CAMSAP2: variants seen among roughly 807,000 people sequenced by gnomAD.
The protein encoded by CAMSAP2 is calmodulin regulated spectrin associated protein family member 2.
In CAMSAP2, 26 loss-of-function variants were observed where a neutral mutation model predicts 146.1. The observed-to-expected ratio is 0.18, with a 90% CI of 0.13 to 0.25. CAMSAP2 has a LOEUF of 0.25. Among genes scored for constraint, CAMSAP2 ranks in the 10% least tolerant of loss-of-function variants. The pLI is 1.00. For missense variants in CAMSAP2, 1,381 were observed against 1,759.3 expected (o/e 0.78, Z 3.85); for synonymous variants, 499 against 596.6 (o/e 0.84, Z 2.38).
intron 2 of CAMSAP2, among the ~76,000 whole-genome samples, chr1:200,804,040 C>G (rs905545486): frequency 6.6e-6 from 1 of 152,090 alleles, no homozygotes; most frequent in Non-Finnish European, 1.5e-5. Flanking sequence ...CATTCTCCTG[C>G]CTCAGCCTCC....
intron 4 of CAMSAP2, among the ~76,000 whole-genome samples, chr1:200,820,644 C>T (rs1666732511): frequency 6.6e-6 from 1 of 152,142 alleles, no homozygotes; most frequent in South Asian, 2.1e-4. Context: ...CAGTTACAAA[C>T]TATAACCCAC....
chr1:200,849,461 A>G lies in CAMSAP2; in HGVS notation c.2692A>G (p.Met898Val). 6.2e-7 allele frequency: 1 copy of G among 1,614,228 alleles called. No homozygotes were observed. Among genetic ancestry groups the G allele is most frequent in the Non-Finnish European group, 8.5e-7 (1 of 1,180,024 alleles). ...ATCCCTGCATTTTCTACAACAAGAA[A>G]TGCAACGCTTGTCACTTCAGCAGGA... ...NSSLHFLQQE[M>V]QRLSLQQEML... The change falls in exon 11 of 17, where the codon ATG becomes GTG. Residue 898 changes from methionine to valine, a missense_variant. This residue lies in a region of CAMSAP2 where 560 missense variants were observed against 715.9 expected (regional missense o/e 0.78). Coordinates refer to ENST00000358823, the MANE Select transcript of CAMSAP2 (RefSeq NM_203459.4). The surrounding 1 kb of genome is among the most constrained non-coding windows in gnomAD (Gnocchi z 6.3).
chr1:200,748,166 T>C (rs901618429), intron 1 of CAMSAP2, among the ~76,000 whole-genome samples: 7 of 152,158 alleles, frequency 4.6e-5, no homozygotes, highest in Non-Finnish European at 8.8e-5. Context: ...ATAACAATAA[T>C]CTTTCATGTA....
intron 2 of CAMSAP2, among the ~76,000 whole-genome samples, chr1:200,791,208 A>C (rs1360759847): frequency 6.6e-6 from 1 of 152,044 alleles, no homozygotes; most frequent in Admixed American, 6.5e-5. Context: ...TATGGCTTGC[A>C]TTGTTTCTGA....
chr1:200,832,646 A>ATGAAATATTTATT lies in CAMSAP2; in HGVS notation c.788-59_788-47dup. The ATGAAATATTTATT allele has an allele frequency of 7.3e-7, 1 of 1,367,060 alleles. No individual in the cohort carries two copies. Among genetic ancestry groups the ATGAAATATTTATT allele is most frequent in the Non-Finnish European group, 1.0e-6 (1 of 1,004,360 alleles). The allele number at this position is 1,367,060 out of a possible 1,614,324, so 84.7% of individuals were successfully genotyped here. ...TATTTGTACTAATTACAAGATGGATATGAAATATTTATTATCAAATTAATC... is the reference window on the plus strand; with the variant it reads ...TATTTGTACTAATTACAAGATGGATATGAAATATTTATTTGAAATATTTATTATCAAATTAATC... On this transcript the variant is annotated intron_variant, in intron 5 of 16. Transcript: ENST00000358823. This position sits in a 1 kb window ranked among gnomAD's most constrained non-coding sequence, Gnocchi z 4.2.
At chr1:200,776,199 A>G (rs1665274141) in intron 2 of CAMSAP2, among the ~76,000 whole-genome samples, 1 of 152,206 alleles carries the variant, frequency 6.6e-6, no homozygotes, top group African/African-American at 2.4e-5. Context: ...GCTTGGAAAC[A>G]TTTTAATTGT....
At chr1:200,773,340 G>A (rs982499772) in intron 2 of CAMSAP2, among the ~76,000 whole-genome samples, 9 of 150,900 alleles carry the variant, frequency 6.0e-5, no homozygotes, top group South Asian at 2.1e-4. Context: ...TGCAACCTCT[G>A]CCTCCCAGGT....
intron 2 of CAMSAP2, among the ~76,000 whole-genome samples, chr1:200,790,094 A>G (rs2103030556): frequency 6.6e-6 from 1 of 152,296 alleles, no homozygotes; most frequent in African/African-American, 2.4e-5. Flanking sequence ...TAGTGAGCCT[A>G]TGCCTCTGGA....
At chr1:200,751,301 A>T (rs1182057204) in intron 1 of CAMSAP2, among the ~76,000 whole-genome samples, 1 of 151,666 alleles carries the variant, frequency 6.6e-6, no homozygotes, top group Non-Finnish European at 1.5e-5. Flanking sequence ...GTAAAGAGAT[A>T]TTGTACCCTA....
At chr1:200,846,606 C>A (rs17701059) in intron 8 of CAMSAP2, among the ~76,000 whole-genome samples, 3,365 of 152,300 alleles carry the variant, frequency 0.022, 56 homozygotes, top group Middle Eastern at 0.037. Flanking sequence ...CATTGTAGTT[C>A]TCCAACACTG....
At chr1:200,750,564 AATGCCTGT>A in intron 1 of CAMSAP2, among the ~76,000 whole-genome samples, 1 of 149,386 alleles carries the variant, frequency 6.7e-6, no homozygotes, top group East Asian at 2.0e-4. Context: ...CTCCCACACA[AATGCCTGT>A]ATGTGTGTGT....
At chr1:200,819,852 A>G (rs1666701697) in intron 4 of CAMSAP2, among the ~76,000 whole-genome samples, 1 of 152,094 alleles carries the variant, frequency 6.6e-6, no homozygotes, top group African/African-American at 2.4e-5. Context: ...CTTCTAGAGG[A>G]TGTGGGACTT....
intron 2 of CAMSAP2, among the ~76,000 whole-genome samples, chr1:200,765,524 C>T (rs1231404962): frequency 6.6e-5 from 10 of 152,080 alleles, no homozygotes; most frequent in East Asian, 1.9e-4. Context: ...CCACCGCACC[C>T]GGCCATATGT....
chr1:200,838,281 A>C (rs536089442), intron 6 of CAMSAP2, among the ~76,000 whole-genome samples: 3 of 152,288 alleles, frequency 2.0e-5, no homozygotes, highest in South Asian at 4.1e-4. Flanking sequence ...GTATTTTTTC[A>C]AAATATAATC....
At chr1:200,766,430 G>A (rs1347623267) in intron 2 of CAMSAP2, among the ~76,000 whole-genome samples, 1 of 152,084 alleles carries the variant, frequency 6.6e-6, no homozygotes, top group East Asian at 1.9e-4. Context: ...GGTCTATCAG[G>A]TAGCTCTTTT....
intron 2 of CAMSAP2, among the ~76,000 whole-genome samples, chr1:200,778,048 GGCA>G (rs1665329873): frequency 6.6e-6 from 1 of 152,072 alleles, no homozygotes; most frequent in South Asian, 2.1e-4. Flanking sequence ...GACCAGCCTG[GGCA>G]ACATAGTGAG....
intron 2 of CAMSAP2, among the ~76,000 whole-genome samples, chr1:200,792,198 A>G (rs1222615858): frequency 6.6e-6 from 1 of 152,190 alleles, no homozygotes; most frequent in Non-Finnish European, 1.5e-5. Context: ...TGAATGTTCA[A>G]TGTGTAAGTC....
intron 3 of CAMSAP2, 90 bp downstream of exon 3, chr1:200,807,627 G>T: frequency 1.2e-6 from 1 of 864,576 alleles, no homozygotes; most frequent in Non-Finnish European, 1.5e-6. Flanking sequence ...TACTCTTTTT[G>T]TTTCAAATCA....
chr1:200,747,966 G>A (rs538355437), intron 1 of CAMSAP2, among the ~76,000 whole-genome samples: 1 of 135,138 alleles, frequency 7.4e-6, no homozygotes, highest in African/African-American at 2.9e-5. Context: ...CAGCCTGGGC[G>A]ACAGAGCGAG....
Sources: gnomAD v4.1 joint callset for allele counts (sites outside exome capture counted in the v4.1 genomes callset) on GRCh38, gnomAD v4.1.1 for gene constraint, gnomAD v4.1.1 regional missense constraint, Gnocchi (gnomAD v3.1) non-coding constraint, MANE v1.5 for transcripts, NCBI Gene and HGNC (gene_info 2026-07-23, HGNC 2026-07-21) for gene names.